Variants in ARMH3 observed in about 807,000 individuals in gnomAD.
The protein encoded by ARMH3 is armadillo like helical domain containing 3.
Under a neutral mutation model 99.1 loss-of-function variants are expected in ARMH3, and 60 were observed. The observed-to-expected ratio is 0.61, with a 90% CI of 0.49 to 0.75. The LOEUF (loss-of-function observed/expected upper bound fraction) is 0.75. Ranked by LOEUF, ARMH3 falls within the 30% of genes least tolerant of loss-of-function variation. ARMH3 has a pLI of 0.00. For missense variants in ARMH3, 679 were observed against 843.1 expected, an observed-to-expected ratio of 0.81 and a Z score of 2.41; for synonymous variants, 285 against 292.8, an observed-to-expected ratio of 0.97 and a Z score of 0.27.
chr10:102,023,620 G>A (rs1448764750), intron 7 of ARMH3, 55 bp downstream of exon 7: 3 of 1,609,546 alleles, frequency 1.9e-6, no homozygotes, highest in East Asian at 2.2e-5. Context: ...TGAGAACACA[G>A]AGAAAATTTG....
At position 102,029,384 on chromosome 10, in the gene ARMH3, G is replaced by A. The variant is rs529240581; in HGVS notation, c.414+254C>T. ...TGTTCTTAAGAATGTATGATCATAT[G>A]ATACGAGTAATAAAATAAACTATTC... On this transcript the variant is annotated intron_variant, in intron 5 of 25. Transcript: ENST00000370033. The A allele has an allele frequency of 4.5e-5, 61 of 1,343,728 alleles. No individual in the cohort carries two copies. The African/African-American group carries it at 8.9e-4, about 20-fold the overall frequency. The allele number at this position is 1,343,728 out of a possible 1,614,324, so 83.2% of individuals were successfully genotyped here.
At chr10:101,978,939 C>T (rs1016809000) in intron 19 of ARMH3, among the ~76,000 whole-genome samples, 4 of 150,732 alleles carry the variant, frequency 2.7e-5, no homozygotes, top group Non-Finnish European at 5.9e-5. Flanking sequence ...GACACCATCT[C>T]AAAAAATAAA....
intron 18 of ARMH3, among the ~76,000 whole-genome samples, chr10:101,991,624 G>A (rs572940407): frequency 5.5e-4 from 83 of 152,166 alleles, no homozygotes; most frequent in African/African-American, 1.4e-3. Flanking sequence ...CAAGTGATCC[G>A]CCCACCTCAG....
chr10:102,005,877 T>C (rs1265495468), intron 14 of ARMH3, among the ~76,000 whole-genome samples: 1 of 152,198 alleles, frequency 6.6e-6, no homozygotes, highest in African/African-American at 2.4e-5. Flanking sequence ...AACTCCCAAT[T>C]ATAATACACT....
Position 101,966,303 on chromosome 10 carries a change from T to G in ARMH3, c.1496-8571A>C, listed in dbSNP as rs1159644044. Among the ~76,000 whole-genome samples the G allele has an allele frequency of 3.3e-4, 45 of 137,518 alleles. 1 individual carries two copies. The highest frequency in any genetic ancestry group is 8.2e-4 in the African/African-American group (30 of 36,524). 90.2% of individuals were successfully genotyped at this position (137,518 alleles called of 152,430 possible). On this transcript the variant is annotated intron_variant, in intron 20 of 25. Coordinates refer to ENST00000370033, the MANE Select transcript of ARMH3 (RefSeq NM_024541.3). ...GGTTTGGGTTTTTTTTTTTTTTTTT[T>G]TTTTTTTTTTTGAGACAGGCTGGAG...
At chr10:101,902,603 CAA>C (rs957588409) in intron 23 of ARMH3, among the ~76,000 whole-genome samples, 50 of 152,124 alleles carry the variant, frequency 3.3e-4, no homozygotes, top group Admixed American at 2.9e-3. Flanking sequence ...CAAGAGCAAA[CAA>C]AGAGCTGTGG....
chr10:101,855,284 T>A (rs900467944), intron 24 of ARMH3, among the ~76,000 whole-genome samples: 3 of 148,044 alleles, frequency 2.0e-5, no homozygotes, highest in Admixed American at 6.7e-5. Flanking sequence ...GCCACGCTGG[T>A]CTTGAACTCC....
chr10:101,955,801 G>A (rs1845007396), intron 22 of ARMH3, among the ~76,000 whole-genome samples: 1 of 152,236 alleles, frequency 6.6e-6, no homozygotes. Context: ...AAACTTTTCA[G>A]AGGTGACGGA....
intron 24 of ARMH3, among the ~76,000 whole-genome samples, chr10:101,863,749 AC>A (rs529847396): frequency 1.0e-3 from 156 of 152,002 alleles, no homozygotes; most frequent in Non-Finnish European, 1.8e-3. Context: ...ACATAGTGAG[AC>A]TCCATCTCTT....
chr10:101,932,149 A>G (rs377313991), intron 23 of ARMH3, among the ~76,000 whole-genome samples: 16 of 152,378 alleles, frequency 1.1e-4, no homozygotes, highest in African/African-American at 3.8e-4. Context: ...AAGCATATAA[A>G]AAGATGCTCA....
intron 19 of ARMH3, among the ~76,000 whole-genome samples, chr10:101,979,905 A>G (rs1846156237): frequency 6.6e-6 from 1 of 152,204 alleles, no homozygotes; most frequent in Non-Finnish European, 1.5e-5. Flanking sequence ...AGCCCTTAGA[A>G]TCCCTAGTGT....
chr10:101,911,156 GAC>G, intron 23 of ARMH3, among the ~76,000 whole-genome samples: 1 of 151,676 alleles, frequency 6.6e-6, no homozygotes, highest in South Asian at 2.1e-4. Flanking sequence ...AAAAAAAAGA[GAC>G]AGAAGGTGAT....
intron 1 of ARMH3, among the ~76,000 whole-genome samples, chr10:102,053,631 A>G (rs540045621): frequency 7.2e-5 from 11 of 152,106 alleles, no homozygotes; most frequent in African/African-American, 2.7e-4. Context: ...TCTCCCAAGC[A>G]ATGGCAGTAT....
chr10:101,942,715 A>C (rs569949019), intron 22 of ARMH3, among the ~76,000 whole-genome samples: 3 of 152,278 alleles, frequency 2.0e-5, no homozygotes, highest in East Asian at 1.9e-4. Flanking sequence ...TACAAAAAAA[A>C]ATTAGCTGGG....
chr10:102,040,174 T>C (rs2067376365), intron 1 of ARMH3, 49 bp from the exon 2 acceptor site: 3 of 1,424,718 alleles, frequency 2.1e-6, no homozygotes, highest in African/African-American at 1.4e-5. Context: ...CTCAGTATGA[T>C]ACTATAATGG....
chr10:101,927,841 G>A (rs1203966095), intron 23 of ARMH3, among the ~76,000 whole-genome samples: 3 of 152,192 alleles, frequency 2.0e-5, no homozygotes, highest in African/African-American at 7.2e-5. Context: ...GGAGGGCCAG[G>A]GCAGGTGGGT....
chr10:101,999,417 C>G (rs777068776), intron 15 of ARMH3, among the ~76,000 whole-genome samples: 1 of 152,056 alleles, frequency 6.6e-6, no homozygotes, highest in Non-Finnish European at 1.5e-5. Flanking sequence ...GTCTCAAAGT[C>G]CTGACCTCAG....
intron 23 of ARMH3, among the ~76,000 whole-genome samples, chr10:101,920,522 C>T (rs1207238758): frequency 6.6e-6 from 1 of 151,842 alleles, no homozygotes; most frequent in Admixed American, 6.6e-5. Context: ...GGGACAAGCA[C>T]AGAGAGAAAA....
intron 15 of ARMH3, among the ~76,000 whole-genome samples, chr10:101,997,635 T>A (rs1291369687): frequency 6.6e-6 from 1 of 151,624 alleles, no homozygotes; most frequent in Admixed American, 6.6e-5. Context: ...AGAGAAGTGA[T>A]TGGGGAGGGA....
Sources: gnomAD v4.1 joint callset for allele counts (sites outside exome capture counted in the v4.1 genomes callset) on GRCh38, gnomAD v4.1.1 for gene constraint, MANE v1.5 for transcripts, NCBI Gene and HGNC (gene_info 2026-07-23, HGNC 2026-07-21) for gene names.